PPIL2: variants seen among roughly 807,000 people sequenced by gnomAD.
PPIL2 encodes the protein peptidylprolyl isomerase like 2, also known as RING-type E3 ubiquitin-protein ligase PPIL2.
A neutral mutation model predicts 75.2 loss-of-function variants in PPIL2; 50 were observed. The ratio of observed to expected loss-of-function variants is 0.66; its 90% CI spans 0.53 to 0.84. PPIL2 has a LOEUF of 0.84. PPIL2 is among the 40% of genes least tolerant of loss of function. PPIL2 has a pLI of 0.00. For missense variants in PPIL2, 590 were observed against 685.0 expected, an observed-to-expected ratio of 0.86 and a Z score of 1.55; for synonymous variants, 245 against 258.8, an observed-to-expected ratio of 0.95 and a Z score of 0.51.
intron 15 of PPIL2, among the ~76,000 whole-genome samples, chr22:21,692,882 C>T (rs537466052): frequency 4.7e-5 from 7 of 149,976 alleles, no homozygotes; most frequent in South Asian, 4.3e-4. Context: ...ACCGACATCG[C>T]GCCACTGCAC....
At chr22:21,676,309 TTGTGTGTGTG>T (rs61112126) in intron 6 of PPIL2, among the ~76,000 whole-genome samples, 75 of 123,064 alleles carry the variant, frequency 6.1e-4, no homozygotes, top group East Asian at 4.3e-3. Context: ...TTTATTTATT[TTGTGTGTGTG>T]TGTGTGTGTG....
chr22:21,685,008 G>T (rs1288168822), intron 10 of PPIL2, 95 bp downstream of exon 10: 2 of 1,494,948 alleles, frequency 1.3e-6, no homozygotes, highest in Non-Finnish European at 1.8e-6. Context: ...GCTCATGGGG[G>T]CCTGGGATAC....
intron 15 of PPIL2, among the ~76,000 whole-genome samples, chr22:21,693,028 GT>G (rs1278391801): frequency 6.6e-6 from 1 of 151,760 alleles, no homozygotes; most frequent in African/African-American, 2.4e-5. Flanking sequence ...GCTGTTGGCT[GT>G]TTTAATTCCA....
chr22:21,694,973 C>T lies in PPIL2; in HGVS notation c.1369C>T (p.Pro457Ser). Residue 457 changes from proline to serine, a missense_variant, in exon 19 of 20, where the codon CCG becomes TCG. By Grantham distance (74) the Pro-to-Ser change is moderately conservative (BLOSUM62 -1). Transcript: ENST00000398831. ...GCGGAAGACACAGCTCAAGGTAGCC[C>T]CGGAGACCAAAGTGAAGAGCAGCCA... is the stretch of plus-strand genomic sequence containing the variant. Reference protein sequence around the residue: ...QERKTQLKVAPETKVKSSQPQ... With the variant: ...QERKTQLKVASETKVKSSQPQ... 6.2e-7 allele frequency: 1 copy of T among 1,613,884 alleles called. No individual in the cohort carries two copies. The highest frequency in any genetic ancestry group is 8.5e-7 in the Non-Finnish European group (1 of 1,180,022).
intron 2 of PPIL2, 196 bp downstream of exon 2, chr22:21,670,158 A>C: frequency 6.5e-6 from 6 of 921,672 alleles, no homozygotes; most frequent in Non-Finnish European, 8.0e-6. Context: ...TGATTTTTGT[A>C]AAATGTAATT....
At chr22:21,668,096 T>G (rs2148493764) in intron 1 of PPIL2, among the ~76,000 whole-genome samples, 1 of 151,950 alleles carries the variant, frequency 6.6e-6, no homozygotes, top group Non-Finnish European at 1.5e-5. Flanking sequence ...GAATTTAATA[T>G]GCCTTAAACA....
At position 21,682,132 on chromosome 22, in the gene PPIL2, T is replaced by C. The variant is rs564579464; in HGVS notation, c.388-305T>C. On this transcript the variant is annotated intron_variant, in intron 7 of 19. Transcript: ENST00000398831. Reference sequence around the variant, plus strand: ...CACCATACCTGTGCATGGGAGGAGCTTGGCAAAGCCTGCAGCGAGTGGGTG... The same window carrying C: ...CACCATACCTGTGCATGGGAGGAGCCTGGCAAAGCCTGCAGCGAGTGGGTG... 1.1e-4 allele frequency among the ~76,000 whole-genome samples: 16 copies of C among 152,306 alleles called. 1 individual carries two copies. The East Asian group carries it at 2.7e-3, about 26-fold the overall frequency.
In PPIL2 at chr22:21,688,781, C is replaced by A; in HGVS notation, c.1071C>A (p.Asn357Lys). ...CCTTCAAAGACGAGTTCCGGCCCAA[C>A]CTCTCGCACACGGGCCGCGGCATCC... is the stretch of plus-strand genomic sequence containing the variant. ...GKPFKDEFRP[N>K]LSHTGRGILS... is the part of the protein sequence containing the mutation. Residue 357 changes from asparagine (N) to lysine (K), a missense_variant, in exon 15 of 20, where the codon AAC becomes AAA. Transcript: ENST00000398831. 1 of 1,614,254 alleles carries A rather than the reference C, an allele frequency of 6.2e-7. No homozygotes were observed. The highest frequency in any genetic ancestry group is 8.5e-7 in the Non-Finnish European group (1 of 1,180,050).
intron 1 of PPIL2, among the ~76,000 whole-genome samples, chr22:21,668,211 C>T (rs1465528720): frequency 6.6e-6 from 1 of 152,146 alleles, no homozygotes; most frequent in African/African-American, 2.4e-5. Context: ...CCAAGAGAAC[C>T]CCAGGAAAAC....
At chr22:21,699,895 G>A (rs2068047567), downstream of PPIL2, 2 of 152,488 alleles carry the variant, frequency 1.3e-5, no homozygotes, top group Admixed American at 1.3e-4. Context: ...GACCCTGTGA[G>A]GCTGTCACCT....
chr22:21,677,223 AG>A (rs1569025225), intron 6 of PPIL2, among the ~76,000 whole-genome samples: 1 of 151,736 alleles, frequency 6.6e-6, no homozygotes, highest in Admixed American at 6.6e-5. Context: ...GGTTGCAGCC[AG>A]GCAGAGGCGC....
intron 8 of PPIL2, 45 bp from the exon 9 acceptor site, chr22:21,683,137 C>T (rs757417584): frequency 6.6e-7 from 1 of 1,526,286 alleles, no homozygotes; most frequent in Non-Finnish European, 9.1e-7. Context: ...TGCCATTTGG[C>T]CGTAGGCTGG....
intron 9 of PPIL2, among the ~76,000 whole-genome samples, chr22:21,684,019 G>A (rs939862235): frequency 2.0e-5 from 3 of 150,974 alleles, no homozygotes; most frequent in African/African-American, 7.3e-5. Context: ...ACCAGCCTGG[G>A]CAACATGGGG....
In PPIL2 at chr22:21,695,007, C is replaced by G; in HGVS notation, c.1403C>G (p.Ala468Gly). The G allele has an allele frequency of 6.2e-7, 1 of 1,613,506 alleles. No individual in the cohort carries two copies. Among genetic ancestry groups the G allele is most frequent in the Non-Finnish European group, 8.5e-7 (1 of 1,179,994 alleles). Reference protein sequence around the residue: ...ETKVKSSQPQAGSQGPQTFRQ... With the variant: ...ETKVKSSQPQGGSQGPQTFRQ... ...AAAGTGAAGAGCAGCCAGCCCCAGG[C>G]AGGGAGCCAGGGCCCCCAGACCTTC... The change falls in exon 19 of 20, where the codon GCA becomes GGA. Residue 468 changes from alanine (A) to glycine (G), a missense_variant. Physicochemically the swap from Ala to Gly is moderately conservative, Grantham distance 60 (BLOSUM62 0). Transcript: ENST00000398831.
chr22:21,680,770 C>T (rs1461108991), intron 6 of PPIL2, among the ~76,000 whole-genome samples: 1 of 129,282 alleles, frequency 7.7e-6, no homozygotes, highest in Non-Finnish European at 1.5e-5. Context: ...GCGGAGCTTG[C>T]AGTGAGCCGA....
rs746502832 is a variant in PPIL2, at chr22:21,688,060, T to C, written c.988-13T>C. 2 of 1,614,180 alleles carry C rather than the reference T, an allele frequency of 1.2e-6. No homozygotes were observed. Among genetic ancestry groups the C allele is most frequent in the Non-Finnish European group, 1.7e-6 (2 of 1,180,024 alleles). On this transcript the variant is annotated splice_polypyrimidine_tract_variant and intron_variant, in intron 13 of 19. Transcript: ENST00000398831. ...TCAGAGTGTGACTTGCTCACTGGCTTTTGTTTTCACAGATCCAAGGGGGCG... is the reference window on the plus strand; with the variant it reads ...TCAGAGTGTGACTTGCTCACTGGCTCTTGTTTTCACAGATCCAAGGGGGCG...
rs1397722275 is a variant in PPIL2, at chr22:21,694,741, C to T, written c.1270-14C>T. On this transcript the variant is annotated splice_polypyrimidine_tract_variant and intron_variant, in intron 17 of 19. Transcript: ENST00000398831. ...GGGAGGACCTGCCGTGCACTGAGCC[C>T]CCTTTGCTGCTAGGAGGAGATCCGC... is the stretch of plus-strand genomic sequence containing the variant. The T allele has an allele frequency of 1.2e-6, 2 of 1,610,600 alleles. No homozygotes were observed. Among genetic ancestry groups the T allele is most frequent in the Non-Finnish European group, 1.7e-6 (2 of 1,178,072 alleles).
In PPIL2 at chr22:21,669,985, TC is replaced by T. The variant is rs544158365; in HGVS notation, c.82+27del. 3.9e-4 allele frequency: 633 copies of T among 1,606,720 alleles called. 6 individuals are homozygous for T. The South Asian group carries it at 6.4e-3, about 16-fold the overall frequency. ...CAGGTAAGGCATGCAGTCTTTCTGT[TC>T]CCCGTTGGGGGAGTGGTATTAAGGA... is the stretch of plus-strand genomic sequence containing the variant. On this transcript the variant is annotated intron_variant, in intron 2 of 19. Transcript: ENST00000398831.
intron 11 of PPIL2, 135 bp downstream of exon 11, chr22:21,686,693 T>G: frequency 9.4e-7 from 1 of 1,066,642 alleles, no homozygotes; most frequent in Non-Finnish European, 1.4e-6. Flanking sequence ...CTCCCCCTCT[T>G]AGCTGCTGAA....
Sources: allele counts gnomAD v4.1 joint callset (sites outside exome capture counted in the v4.1 genomes callset), GRCh38; gene constraint gnomAD v4.1.1; transcripts MANE v1.5; gene names NCBI Gene and HGNC (gene_info 2026-07-23, HGNC 2026-07-21).